Variants in PDE3B observed in about 807,000 individuals in gnomAD.
PDE3B encodes the protein phosphodiesterase 3B.
In PDE3B, 66 loss-of-function variants were observed where a neutral mutation model predicts 116.8. The ratio of observed to expected loss-of-function variants is 0.56; its 90% CI spans 0.46 to 0.69. The LOEUF (loss-of-function observed/expected upper bound fraction) is 0.69. Among genes scored for constraint, PDE3B ranks in the 30% least tolerant of loss-of-function variants. The probability of loss-of-function intolerance (pLI) is 0.00; values close to 1 mark genes in which losing one functional copy is unlikely to be tolerated. For synonymous variants in PDE3B, 595 were observed against 533.6 expected, an observed-to-expected ratio of 1.12 and a Z score of -1.59; for missense variants, 1,384 against 1,368.1, an observed-to-expected ratio of 1.01 and a Z score of -0.18.
intron 1 of PDE3B, among the ~76,000 whole-genome samples, chr11:14,665,379 A>T (rs1337122779): frequency 6.6e-6 from 1 of 152,232 alleles, no homozygotes; most frequent in Non-Finnish European, 1.5e-5. Context: ...GCTGTCTCTC[A>T]CCACTCCTAT....
intron 1 of PDE3B, among the ~76,000 whole-genome samples, chr11:14,771,016 A>G (rs779288183): frequency 1.3e-5 from 2 of 151,694 alleles, no homozygotes; most frequent in Admixed American, 6.6e-5. Context: ...TTATGTAGCC[A>G]GCAAAGCACC....
At chr11:14,775,634 T>G (rs1857763525) in intron 2 of PDE3B, 1 of 152,300 alleles carries the variant, frequency 6.6e-6, no homozygotes, top group Non-Finnish European at 1.5e-5. Flanking sequence ...AGCTCCCTGG[T>G]TCAAGCGATT....
intron 5 of PDE3B, among the ~76,000 whole-genome samples, chr11:14,810,820 C>G (rs1268400147): frequency 6.8e-6 from 1 of 147,634 alleles, no homozygotes; most frequent in African/African-American, 2.5e-5. Context: ...CACATCCTCT[C>G]CAGCACCTGT....
chr11:14,742,604 C>T (rs1009475869), intron 1 of PDE3B, among the ~76,000 whole-genome samples: 22 of 152,256 alleles, frequency 1.4e-4, no homozygotes, highest in East Asian at 1.9e-4. Flanking sequence ...ACTCATTCTC[C>T]GTCCAATTTT....
At chr11:14,817,820 C>G (rs937867306) in intron 5 of PDE3B, among the ~76,000 whole-genome samples, 1 of 152,076 alleles carries the variant, frequency 6.6e-6, no homozygotes, top group African/African-American at 2.4e-5. Flanking sequence ...ATGCTTTGCT[C>G]TTGTGGATAA....
intron 12 of PDE3B, among the ~76,000 whole-genome samples, chr11:14,855,936 G>C: frequency 6.6e-6 from 1 of 152,144 alleles, no homozygotes; most frequent in East Asian, 1.9e-4. Flanking sequence ...AGCAGAAGAA[G>C]GGTGGTAACT....
At chr11:14,705,448 A>G (rs1217553720) in intron 1 of PDE3B, among the ~76,000 whole-genome samples, 1 of 151,832 alleles carries the variant, frequency 6.6e-6, no homozygotes, top group Non-Finnish European at 1.5e-5. Flanking sequence ...AAACTAATTT[A>G]TGGTGTCAGA....
intron 1 of PDE3B, among the ~76,000 whole-genome samples, chr11:14,723,427 C>G (rs1324183800): frequency 6.6e-6 from 1 of 152,066 alleles, no homozygotes; most frequent in Non-Finnish European, 1.5e-5. Context: ...GAGGTCAGTA[C>G]TATGAAGATG....
chr11:14,808,636 A>T (rs561335396), intron 5 of PDE3B, among the ~76,000 whole-genome samples: 1 of 150,786 alleles, frequency 6.6e-6, no homozygotes, highest in East Asian at 1.9e-4. Context: ...TATATGTAAA[A>T]TCCTAAGAAA....
intron 1 of PDE3B, among the ~76,000 whole-genome samples, chr11:14,722,545 A>C (rs1248164242): frequency 6.6e-6 from 1 of 152,236 alleles, no homozygotes; most frequent in South Asian, 2.1e-4. Context: ...GGCATCGTTT[A>C]ATAGCAATTT....
rs867380858 is a variant in PDE3B at position 14,643,996 on chromosome 11, G to T, written c.-80G>T. 2.8e-5 allele frequency: 38 copies of T among 1,379,918 alleles called. No individual in the cohort carries two copies. Among genetic ancestry groups the T allele is most frequent in the Non-Finnish European group, 3.5e-5 (38 of 1,075,136 alleles). 85.5% of individuals were successfully genotyped at this position (1,379,918 alleles called of 1,614,324 possible). A position where few individuals can be genotyped will look rare whatever the true frequency, so the allele number is the denominator to read the frequency against. Reference sequence around the variant, plus strand: ...AACCAGGGGGCGCCCCGAACGCGGGGGTTGGGGTCTGGGAGCGCGAGCGGC... The same window carrying T: ...AACCAGGGGGCGCCCCGAACGCGGGTGTTGGGGTCTGGGAGCGCGAGCGGC... On this transcript the variant is annotated 5_prime_UTR_variant, in exon 1 of 16. Transcript: ENST00000282096.
chr11:14,864,229 G>A (rs1443355558), intron 14 of PDE3B, among the ~76,000 whole-genome samples: 6 of 152,188 alleles, frequency 3.9e-5, no homozygotes, highest in African/African-American at 1.4e-4. Flanking sequence ...TAATGGTAAA[G>A]AGATCAATGC....
At chr11:14,695,542 G>T (rs1483516138) in intron 1 of PDE3B, among the ~76,000 whole-genome samples, 1 of 151,820 alleles carries the variant, frequency 6.6e-6, no homozygotes, top group Non-Finnish European at 1.5e-5. Context: ...TAAGTTCTGG[G>T]GTACATGTTC....
intron 15 of PDE3B, among the ~76,000 whole-genome samples, chr11:14,868,434 TG>T (rs200265373): frequency 6.7e-6 from 1 of 149,920 alleles, no homozygotes; most frequent in Non-Finnish European, 1.5e-5. Flanking sequence ...ATCAAAACAG[TG>T]GGGGGGAGGG....
At chr11:14,794,839 A>G (rs1176505918) in intron 4 of PDE3B, among the ~76,000 whole-genome samples, 1 of 152,190 alleles carries the variant, frequency 6.6e-6, no homozygotes, top group East Asian at 1.9e-4. Flanking sequence ...AAGCATGTTT[A>G]CTGGCTTATT....
At chr11:14,883,375 T>C in the PDE3B span, among the ~76,000 whole-genome samples, 13 of 152,154 alleles carry the variant, frequency 8.5e-5, no homozygotes, top group South Asian at 8.3e-4. Context: ...TCAGAAATAA[T>C]GCCGCATATC....
At chr11:14,827,000 C>T (rs1650958970) in intron 7 of PDE3B, among the ~76,000 whole-genome samples, 1 of 152,182 alleles carries the variant, frequency 6.6e-6, no homozygotes, top group South Asian at 2.1e-4. Flanking sequence ...CCCTAGGTTG[C>T]AAGTTTGGTT....
chr11:14,854,960 T>A (rs782226064), intron 12 of PDE3B, among the ~76,000 whole-genome samples: 11 of 152,178 alleles, frequency 7.2e-5, no homozygotes, highest in African/African-American at 1.2e-4. Context: ...TTATTTTTTT[T>A]AAAATGTATT....
At chr11:14,885,950 G>A in the PDE3B span, 1 of 1,605,082 alleles carries the variant, frequency 6.2e-7, no homozygotes. Flanking sequence ...ACATTTAAAT[G>A]ACAGCATGTA....
Sources: allele counts gnomAD v4.1 joint callset (sites outside exome capture counted in the v4.1 genomes callset), GRCh38; gene constraint gnomAD v4.1.1; transcripts MANE v1.5; gene names NCBI Gene and HGNC (gene_info 2026-07-23, HGNC 2026-07-21).